RASGRF1: variants seen among roughly 807,000 people sequenced by gnomAD.
RASGRF1 encodes the protein Ras protein specific guanine nucleotide releasing factor 1, also known as ras-specific guanine nucleotide-releasing factor 1.
A neutral mutation model predicts 138.7 loss-of-function variants in RASGRF1; 40 were observed. The observed-to-expected ratio is 0.29, with a 90% confidence interval of 0.22 to 0.38. RASGRF1 has a LOEUF of 0.38. Ranked by LOEUF, RASGRF1 falls within the 10% of genes least tolerant of loss-of-function variation. The pLI, the probability that RASGRF1 is intolerant of heterozygous loss-of-function variation, is 1.00. For synonymous variants in RASGRF1, 614 were observed against 663.2 expected, an observed-to-expected ratio of 0.93 and a Z score of 1.14; for missense variants, 1,108 against 1,650.4, an observed-to-expected ratio of 0.67 and a Z score of 5.69.
intron 8 of RASGRF1, among the ~76,000 whole-genome samples, chr15:79,029,223 G>C (rs879925767): frequency 6.6e-6 from 1 of 152,096 alleles, no homozygotes; most frequent in East Asian, 1.9e-4. Flanking sequence ...TTCTTCCCCA[G>C]CAATGCTCTT....
chr15:79,071,098 T>C (rs940289665), intron 1 of RASGRF1, among the ~76,000 whole-genome samples: 1 of 152,230 alleles, frequency 6.6e-6, no homozygotes, highest in Non-Finnish European at 1.5e-5. Flanking sequence ...GGAGCAAATA[T>C]GCAAGGGAGA....
At chr15:78,964,857 A>G (rs2055612260) in intron 26 of RASGRF1, among the ~76,000 whole-genome samples, 1 of 151,950 alleles carries the variant, frequency 6.6e-6, no homozygotes, top group Non-Finnish European at 1.5e-5. Context: ...ACTTTTCCAT[A>G]GTTGTACCTA....
At position 78,985,012 on chromosome 15, in the gene RASGRF1, T is replaced by C; in HGVS notation, c.3409A>G (p.Lys1137Glu). The C allele has an allele frequency of 6.2e-7, 1 of 1,614,032 alleles. No homozygotes were observed. The highest frequency in any genetic ancestry group is 8.5e-7 in the Non-Finnish European group (1 of 1,179,912). ...RLKKTWLKVS[K>E]QTKALIDKLQ... ...TGCCAGCCTCCTGCCCGCACCTGCT[T>C]AGAGACTTTGAGCCACGTCTTTTTG... Residue 1137 changes from lysine (K) to glutamate (E), a missense_variant, in exon 23 of 27, where the codon AAG becomes GAG. Lys to Glu is a moderately conservative substitution (Grantham distance 56, BLOSUM62 1). Transcript: ENST00000558480.
At chr15:79,067,683 C>T (rs185226749) in intron 1 of RASGRF1, among the ~76,000 whole-genome samples, 1 of 152,202 alleles carries the variant, frequency 6.6e-6, no homozygotes, top group African/African-American at 2.4e-5. Context: ...TCAGCTTCCA[C>T]CCAGAGTTTC....
intron 5 of RASGRF1, among the ~76,000 whole-genome samples, chr15:79,043,494 A>G (rs938650175): frequency 6.6e-6 from 1 of 152,204 alleles, no homozygotes; most frequent in African/African-American, 2.4e-5. Context: ...CAGTGCCTGT[A>G]AGAGGCAGGT....
chr15:79,079,187 T>A (rs1415252599), intron 1 of RASGRF1, among the ~76,000 whole-genome samples: 1 of 152,236 alleles, frequency 6.6e-6, no homozygotes, highest in Non-Finnish European at 1.5e-5. Flanking sequence ...CGGGTCCTGG[T>A]GGCTGTTACA....
chr15:78,975,284 A>G (rs1227400359), intron 24 of RASGRF1, among the ~76,000 whole-genome samples: 2 of 152,176 alleles, frequency 1.3e-5, no homozygotes, highest in Non-Finnish European at 1.5e-5. Context: ...ACTTCATCAA[A>G]TGAAATAAAG....
intron 24 of RASGRF1, among the ~76,000 whole-genome samples, chr15:78,976,920 T>C (rs1253929116): frequency 1.3e-5 from 2 of 152,222 alleles, no homozygotes; most frequent in South Asian, 2.1e-4. Flanking sequence ...GAGAGGAAAG[T>C]GTCCCACCCC....
intron 10 of RASGRF1, among the ~76,000 whole-genome samples, chr15:79,020,402 C>T (rs1197361081): frequency 6.6e-6 from 1 of 152,244 alleles, no homozygotes; most frequent in Non-Finnish European, 1.5e-5. Context: ...TGCTTGGCCC[C>T]TTCTTGCTTC....
intron 19 of RASGRF1, among the ~76,000 whole-genome samples, chr15:78,997,532 A>G (rs1177442351): frequency 6.6e-6 from 1 of 152,152 alleles, no homozygotes; most frequent in African/African-American, 2.4e-5. Context: ...CAGGAGACTG[A>G]GACCAGCCTG....
At chr15:79,066,798 T>C (rs568204760) in intron 1 of RASGRF1, among the ~76,000 whole-genome samples, 12 of 152,262 alleles carry the variant, frequency 7.9e-5, no homozygotes, top group African/African-American at 2.9e-4. Context: ...TCAGAGACCT[T>C]GAGCTTCTGA....
chr15:79,059,251 ATCCTT>A (rs1567594538), intron 2 of RASGRF1, among the ~76,000 whole-genome samples: 1 of 20,252 alleles, frequency 4.9e-5, no homozygotes, highest in Non-Finnish European at 9.1e-5. Flanking sequence ...TCCCTTCCCT[ATCCTT>A]CCCTTCCCTT....
intron 1 of RASGRF1, among the ~76,000 whole-genome samples, chr15:79,083,290 C>T (rs1249119349): frequency 6.6e-6 from 1 of 152,208 alleles, no homozygotes; most frequent in Admixed American, 6.5e-5. Flanking sequence ...ACGACAGTCG[C>T]CCTCACGGAA....
intron 10 of RASGRF1, among the ~76,000 whole-genome samples, chr15:79,022,937 G>GGGATCCCAGCACTTTGGGAGGGATCC (rs1172211151): frequency 6.6e-6 from 1 of 152,206 alleles, no homozygotes; most frequent in Non-Finnish European, 1.5e-5. Flanking sequence ...CACTTTGGGA[G>GGGATCCCAGCACTTTGGGAGGGATCC]GCCGAGGCAG....
At chr15:79,088,774 A>T (rs1163819300) in intron 1 of RASGRF1, among the ~76,000 whole-genome samples, 1 of 152,208 alleles carries the variant, frequency 6.6e-6, no homozygotes, top group East Asian at 1.9e-4. Context: ...CTGGCCTGGG[A>T]CTGGCTCTTC....
intron 13 of RASGRF1, among the ~76,000 whole-genome samples, chr15:79,007,256 C>T (rs2056697460): frequency 6.6e-6 from 1 of 152,220 alleles, no homozygotes; most frequent in African/African-American, 2.4e-5. Context: ...TCAGCAGCCT[C>T]TACAGGGCAT....
chr15:79,042,896 A>C (rs1418912644), intron 5 of RASGRF1, among the ~76,000 whole-genome samples: 1 of 152,226 alleles, frequency 6.6e-6, no homozygotes, highest in Non-Finnish European at 1.5e-5. Flanking sequence ...ATAGTTCCTT[A>C]TGTTTGCAAA....
intron 8 of RASGRF1, among the ~76,000 whole-genome samples, chr15:79,029,476 TG>T (rs1303778638): frequency 6.6e-6 from 1 of 152,060 alleles, no homozygotes; most frequent in Non-Finnish European, 1.5e-5. Context: ...CAGCCCCAGG[TG>T]GGGGTCTGTG....
intron 10 of RASGRF1, among the ~76,000 whole-genome samples, chr15:79,023,171 C>G (rs2056987154): frequency 6.7e-6 from 1 of 149,596 alleles, no homozygotes; most frequent in Non-Finnish European, 1.5e-5. Flanking sequence ...GAAACTCCGT[C>G]TTGGGGAAAA....
Sources: allele counts gnomAD v4.1 joint callset (sites outside exome capture counted in the v4.1 genomes callset), GRCh38; gene constraint gnomAD v4.1.1; transcripts MANE v1.5; gene names NCBI Gene and HGNC (gene_info 2026-07-23, HGNC 2026-07-21).